Variants in MGAT5B observed in about 807,000 individuals in gnomAD.
MGAT5B encodes alpha-1,6-mannosylglycoprotein 6-beta-N-acetylglucosaminyltransferase B, also known as N-acetylglucosaminyl-transferase Vb.
In MGAT5B, 54 loss-of-function variants were observed where a neutral mutation model predicts 95.1. The observed-to-expected ratio is 0.57, with a 90% confidence interval of 0.46 to 0.71. The LOEUF is 0.71. Among genes scored for constraint, MGAT5B ranks in the 30% least tolerant of loss-of-function variants. The pLI is 0.00. For missense variants in MGAT5B, 935 were observed against 1,088.6 expected, an observed-to-expected ratio of 0.86 and a Z score of 1.99; for synonymous variants, 464 against 451.0, an observed-to-expected ratio of 1.03 and a Z score of -0.36.
intron 3 of MGAT5B, among the ~76,000 whole-genome samples, chr17:76,892,958 T>G (rs1967930073): frequency 6.6e-6 from 1 of 152,112 alleles, no homozygotes; most frequent in Admixed American, 6.5e-5. Flanking sequence ...GACACTCTTA[T>G]CAGGGGACAC....
Position 76,924,991 on chromosome 17 carries a change from G to C in MGAT5B, c.1051G>C (p.Gly351Arg). ...QSNLGVPPGR[G>R]SCPLTMPLPF... ...TAACTTAGGGGTACCGCCAGGCCGG[G>C]GAAGCTGCCCGCTCACCATGCCCCT... The change falls in exon 9 of 18, where the codon GGA (glycine) becomes CGA (arginine). Residue 351 changes from glycine (G) to arginine (R), a missense_variant. By Grantham distance (125) the Gly-to-Arg change is moderately radical. Coordinates refer to ENST00000569840, the MANE Select transcript of MGAT5B (RefSeq NM_001199172.2). 6.2e-7 allele frequency: 1 copy of C among 1,611,986 alleles called. No homozygotes were observed. Among genetic ancestry groups the C allele is most frequent in the Non-Finnish European group, 8.5e-7 (1 of 1,179,500 alleles).
chr17:76,940,750 T>C lies in MGAT5B; in HGVS notation c.1750T>C (p.Tyr584His). The C allele has an allele frequency of 6.2e-7, 1 of 1,614,144 alleles. No individual in the cohort carries two copies. Among genetic ancestry groups the C allele is most frequent in the African/African-American group, 1.3e-5 (1 of 75,056 alleles). ...TTGCCAGGTGTTCTCCCAGCATCCCTACGCGGAGAACTTCATCGGCAAGCC... is the reference window on the plus strand; with the variant it reads ...TTGCCAGGTGTTCTCCCAGCATCCCCACGCGGAGAACTTCATCGGCAAGCC... ...TSREVFSQHP[Y>H]AENFIGKPHV... is the part of the protein sequence containing the mutation. Residue 584 changes from tyrosine to histidine, a missense_variant, in exon 15 of 18, where the codon TAC (tyrosine) becomes CAC (histidine). Physicochemically the swap from Tyr to His is moderately conservative, Grantham distance 83. This residue lies in a region of MGAT5B where 440 missense variants were observed against 523.6 expected (regional missense o/e 0.84). Coordinates refer to ENST00000569840, the MANE Select transcript of MGAT5B (RefSeq NM_001199172.2). The surrounding 1 kb of genome is among the most constrained non-coding windows in gnomAD (Gnocchi z 4.3).
At position 76,881,199 on chromosome 17, in the gene MGAT5B, A is replaced by G. The variant is rs556367027; in HGVS notation, c.182-952A>G. On this transcript the variant is annotated intron_variant, in intron 2 of 17. Transcript: ENST00000569840. The stretch of plus-strand genomic sequence containing the variant: ...GGCACGTGCAGCGCTAATGATCGGG[A>G]ATGATTAGAAAGGAAGCCGTGGAGG... 1.4e-4 allele frequency among the ~76,000 whole-genome samples: 22 copies of G among 152,258 alleles called. 1 individual carries two copies. In the Middle Eastern group the frequency reaches 0.02, roughly 141 times the overall value.
intron 4 of MGAT5B, 69 bp from the exon 5 acceptor site, chr17:76,903,234 G>A (rs895201585): frequency 4.1e-5 from 51 of 1,247,786 alleles, no homozygotes; most frequent in East Asian, 5.0e-5. Context: ...GCTGCCTCCC[G>A]CACGCAGGCC....
intron 3 of MGAT5B, among the ~76,000 whole-genome samples, chr17:76,895,867 A>T (rs1188608914): frequency 6.6e-6 from 1 of 152,270 alleles, no homozygotes; most frequent in East Asian, 1.9e-4. Flanking sequence ...AAATCACATT[A>T]AAACATTTTC....
Position 76,940,383 on chromosome 17 carries a change from G to T in MGAT5B, c.1585-19G>T, listed in dbSNP as rs1458028952. ...GGCGGCCCAGCCCTCCCTGATCACT[G>T]CGCCCCTTGACTCTGCAGCTCTTCA... On this transcript the variant is annotated intron_variant, in intron 13 of 17. Transcript: ENST00000569840. The surrounding 1 kb of genome is among the most constrained non-coding windows in gnomAD (Gnocchi z 4.3). 1 of 1,577,664 alleles carries T rather than the reference G, an allele frequency of 6.3e-7. No individual in the cohort carries two copies.
intron 2 of MGAT5B, among the ~76,000 whole-genome samples, chr17:76,881,912 A>T (rs1404873590): frequency 2.6e-5 from 4 of 152,228 alleles, no homozygotes; most frequent in African/African-American, 7.2e-5. Flanking sequence ...TCACATGGCT[A>T]GTGGGCAACG....
chr17:76,904,985 G>A (rs1968467529), intron 6 of MGAT5B, among the ~76,000 whole-genome samples, 184 bp from the exon 7 acceptor site: 1 of 152,218 alleles, frequency 6.6e-6, no homozygotes, highest in African/African-American at 2.4e-5. Context: ...GGCTGGGGAG[G>A]GTGTGTTGAC....
chr17:76,923,915 A>G (rs1467896143), intron 8 of MGAT5B: 1 of 152,124 alleles, frequency 6.6e-6, no homozygotes. Flanking sequence ...GGGAACGTGG[A>G]AGGGCCGTCT....
At position 76,916,175 on chromosome 17, in the gene MGAT5B, C is replaced by G. The variant is rs1968929785; in HGVS notation, c.1026-8791C>G. On this transcript the variant is annotated intron_variant, in intron 8 of 17. Transcript: ENST00000569840. The surrounding 1 kb of genome is among the most constrained non-coding windows in gnomAD (Gnocchi z 5.3). Reference sequence around the variant, plus strand: ...TCGTCTCCCCTTATGCTCCACATAGCTGCACTGCCCTGGCCCCTGCCCTTC... The same window carrying G: ...TCGTCTCCCCTTATGCTCCACATAGGTGCACTGCCCTGGCCCCTGCCCTTC... Among the ~76,000 whole-genome samples, 1 of 149,928 alleles carries G rather than the reference C, an allele frequency of 6.7e-6. No individual in the cohort carries two copies. The highest frequency in any genetic ancestry group is 2.5e-5 in the African/African-American group (1 of 39,708).
chr17:76,912,614 G>A lies in MGAT5B; in HGVS notation c.1025+6427G>A, dbSNP rs1032858247. ...AAGGCTGGACGGATGAGCCGGTCCC[G>A]CTCTGCTCCTCGGGTCTCGGTGTTT... is the stretch of plus-strand genomic sequence containing the variant. On this transcript the variant is annotated intron_variant, in intron 8 of 17. Coordinates refer to ENST00000569840, the MANE Select transcript of MGAT5B (RefSeq NM_001199172.2). This position sits in a 1 kb window ranked among gnomAD's most constrained non-coding sequence, Gnocchi z 5.0. Among the ~76,000 whole-genome samples, 1 of 152,086 alleles carries A rather than the reference G, an allele frequency of 6.6e-6. No homozygotes were observed. Among genetic ancestry groups the A allele is most frequent in the African/African-American group, 2.4e-5 (1 of 41,400 alleles).
At position 76,947,817 on chromosome 17, in the gene MGAT5B, C is replaced by A. The variant is rs757484258; in HGVS notation, c.1924-13C>A. 1.3e-6 allele frequency: 2 copies of A among 1,535,110 alleles called. No individual in the cohort carries two copies. The highest frequency in any genetic ancestry group is 2.5e-5 in the South Asian group (2 of 80,036). On this transcript the variant is annotated splice_polypyrimidine_tract_variant and intron_variant, in intron 16 of 17. Coordinates refer to ENST00000569840, the MANE Select transcript of MGAT5B (RefSeq NM_001199172.2). ...CGCACTTCCCCACCCTGACACTGCT[C>A]TCCTCCTTGCAGGACTTCTGCAGAG...
chr17:76,886,902 G>C (rs1375332313), intron 3 of MGAT5B, among the ~76,000 whole-genome samples: 2 of 152,154 alleles, frequency 1.3e-5, no homozygotes, highest in Non-Finnish European at 2.9e-5. Context: ...AAATTAGCCA[G>C]GCGTGGTGGC....
At chr17:76,944,263 G>GT (rs1969965303) in intron 15 of MGAT5B, 1 of 152,250 alleles carries the variant, frequency 6.6e-6, no homozygotes, top group African/African-American at 2.4e-5. Flanking sequence ...GTCGTTGGCC[G>GT]TGAGTGTTTG....
chr17:76,905,140 G>T lies in MGAT5B; in HGVS notation c.691-29G>T, dbSNP rs764338885. ...AATGATGGTGGCCGCAGGTTGAGGG[G>T]CAGAGAGCTGAGGTCTGGACCCCTC... On this transcript the variant is annotated intron_variant, in intron 6 of 17. Coordinates refer to ENST00000569840, the MANE Select transcript of MGAT5B (RefSeq NM_001199172.2). This position sits in a 1 kb window ranked among gnomAD's most constrained non-coding sequence, Gnocchi z 4.2. 19 of 1,578,898 alleles carry T rather than the reference G, an allele frequency of 1.2e-5. No individual in the cohort carries two copies. The highest frequency in any genetic ancestry group is 1.6e-5 in the Non-Finnish European group (19 of 1,155,988).
At chr17:76,939,032 GTGTGTGTGTGTGTGTGTGT>G (rs772127972) in intron 13 of MGAT5B, among the ~76,000 whole-genome samples, 17 of 50,044 alleles carry the variant, frequency 3.4e-4, no homozygotes, top group South Asian at 9.1e-4. Flanking sequence ...TCTTGGGGGT[GTGTGTGTGTGTGTGTGTGT>G]GTGTGTGTGT....
At chr17:76,875,037 C>T (rs1598885561) in intron 2 of MGAT5B, among the ~76,000 whole-genome samples, 1 of 152,280 alleles carries the variant, frequency 6.6e-6, no homozygotes, top group Non-Finnish European at 1.5e-5. Flanking sequence ...CAACTAACAA[C>T]CCAGAGCAAG....
chr17:76,940,865 A>T lies in MGAT5B; in HGVS notation c.1848+17A>T. ...AGAACTCAGGTGAGAGCAGCCACAT[A>T]CAGTTGAGACCCCCCACTAGTCCAC... On this transcript the variant is annotated intron_variant, in intron 15 of 17. Transcript: ENST00000569840. The surrounding 1 kb of genome is among the most constrained non-coding windows in gnomAD (Gnocchi z 4.3). The T allele has an allele frequency of 6.3e-7, 1 of 1,583,042 alleles. No homozygotes were observed. The highest frequency in any genetic ancestry group is 8.7e-7 in the Non-Finnish European group (1 of 1,151,994).
At chr17:76,923,159 A>G (rs977240577) in intron 8 of MGAT5B, among the ~76,000 whole-genome samples, 1 of 152,212 alleles carries the variant, frequency 6.6e-6, no homozygotes, top group African/African-American at 2.4e-5. Flanking sequence ...GCTTCTGAGC[A>G]TGCGCAAAGC....
Sources: gnomAD v4.1 joint callset for allele counts (sites outside exome capture counted in the v4.1 genomes callset) on GRCh38, gnomAD v4.1.1 for gene constraint, gnomAD v4.1.1 regional missense constraint, Gnocchi (gnomAD v3.1) non-coding constraint, MANE v1.5 for transcripts, NCBI Gene and HGNC (gene_info 2026-07-23, HGNC 2026-07-21) for gene names.